CYP3A4: variants seen among roughly 807,000 people sequenced by gnomAD.
CYP3A4 encodes the protein cytochrome P450 3A4.
In CYP3A4, 41 loss-of-function variants were observed where a neutral mutation model predicts 54.9. That is an observed-to-expected ratio of 0.75 (90% CI 0.58 to 0.97). CYP3A4 has a LOEUF of 0.97. CYP3A4 is among the 50% of genes least tolerant of loss of function. The pLI, the probability that CYP3A4 is intolerant of heterozygous loss-of-function variation, is 0.00. For synonymous variants in CYP3A4, 179 were observed against 205.2 expected (o/e 0.87, Z 1.09); for missense variants, 510 against 597.3 (o/e 0.85, Z 1.52).
intron 9 of CYP3A4, among the ~76,000 whole-genome samples, chr7:99,765,375 A>G (rs1353251046): frequency 6.6e-6 from 1 of 152,178 alleles, no homozygotes; most frequent in East Asian, 1.9e-4. Flanking sequence ...ACAGCAAGTT[A>G]TATTGGGATA....
At chr7:99,766,821 A>G in intron 8 of CYP3A4, 1 of 358,592 alleles carries the variant, frequency 2.8e-6, no homozygotes, top group Non-Finnish European at 5.0e-6. Context: ...AGTAATGTTT[A>G]TCCTCTGACA....
intron 3 of CYP3A4, among the ~76,000 whole-genome samples, chr7:99,777,476 TTGTGTG>T (rs10554527): frequency 0.03 from 4,374 of 146,670 alleles, 151 homozygotes; most frequent in African/African-American, 0.087. Context: ...ATGTCACTAG[TTGTGTG>T]TGTGTGTGTG....
At chr7:99,782,962 C>T (rs1365561906) in intron 1 of CYP3A4, among the ~76,000 whole-genome samples, 1 of 152,018 alleles carries the variant, frequency 6.6e-6, no homozygotes, top group Non-Finnish European at 1.5e-5. Context: ...GAACTAACAG[C>T]CCTCATTTGT....
rs542714708 is a variant in CYP3A4, at chr7:99,761,059, A to G, written c.1254-78T>C. 4 of 1,507,764 alleles carry G rather than the reference A, an allele frequency of 2.7e-6. No individual in the cohort carries two copies. In the East Asian group the frequency reaches 9.1e-5, roughly 34 times the overall value. 93.4% of individuals were successfully genotyped at this position (1,507,764 alleles called of 1,614,324 possible). A position where few individuals can be genotyped will look rare whatever the true frequency, so the allele number is the denominator to read the frequency against. ...AGTTACATGTTAGGGTTTCTTACTT[A>G]GGGGCCACCCCTCAACTAGTAGTAC... On this transcript the variant is annotated intron_variant, in intron 11 of 12. Coordinates refer to ENST00000651514, the MANE Select transcript of CYP3A4 (RefSeq NM_017460.6).
At chr7:99,759,631 G>A (rs1320649235) in intron 12 of CYP3A4, among the ~76,000 whole-genome samples, 1 of 152,102 alleles carries the variant, frequency 6.6e-6, no homozygotes, top group Non-Finnish European at 1.5e-5. Context: ...ATGGAGGGGG[G>A]AAGACATTTT....
intron 1 of CYP3A4, among the ~76,000 whole-genome samples, chr7:99,782,061 C>G (rs543523580): frequency 6.6e-6 from 1 of 152,336 alleles, no homozygotes; most frequent in African/African-American, 2.4e-5. Context: ...AGCGTGTGCA[C>G]CATCTACCAA....
intron 3 of CYP3A4, among the ~76,000 whole-genome samples, chr7:99,777,608 C>T (rs1380816270): frequency 3.3e-5 from 5 of 151,654 alleles, no homozygotes; most frequent in South Asian, 4.2e-4. Flanking sequence ...CAAAAGACTC[C>T]GCAAAACTAC....
At chr7:99,766,269 G>C (rs1377776993) in intron 9 of CYP3A4, 108 bp downstream of exon 9, 1 of 1,328,510 alleles carries the variant, frequency 7.5e-7, no homozygotes, top group Non-Finnish European at 1.1e-6. Flanking sequence ...GTGTCGTTCT[G>C]CTATGTGGCA....
intron 4 of CYP3A4, among the ~76,000 whole-genome samples, chr7:99,771,578 C>T (rs1385690974): frequency 6.6e-6 from 1 of 152,118 alleles, no homozygotes. Flanking sequence ...GTCAAAATAA[C>T]AGCACGTTTA....
At chr7:99,776,727 G>A (rs1265563945) in intron 3 of CYP3A4, among the ~76,000 whole-genome samples, 1 of 152,136 alleles carries the variant, frequency 6.6e-6, no homozygotes, top group Non-Finnish European at 1.5e-5. Flanking sequence ...AGCATTAGGA[G>A]AAATACCTAA....
chr7:99,761,355 A>G (rs1815323689), intron 11 of CYP3A4, among the ~76,000 whole-genome samples: 1 of 152,218 alleles, frequency 6.6e-6, no homozygotes, highest in African/African-American at 2.4e-5. Context: ...TACATTGGTC[A>G]TGAGGAAGGA....
chr7:99,779,482 A>T (rs750324525), intron 2 of CYP3A4, among the ~76,000 whole-genome samples: 2 of 152,218 alleles, frequency 1.3e-5, no homozygotes, highest in Non-Finnish European at 2.9e-5. Flanking sequence ...GGATTGAAGC[A>T]GGTGCAAATG....
intron 1 of CYP3A4, 31 bp from the exon 2 acceptor site, chr7:99,780,116 C>A: frequency 6.3e-7 from 1 of 1,588,776 alleles, no homozygotes; most frequent in Non-Finnish European, 8.6e-7. Context: ...CAAGTCACAG[C>A]GATTGTGACT....
intron 3 of CYP3A4, among the ~76,000 whole-genome samples, chr7:99,777,769 C>T (rs1815808385): frequency 6.6e-6 from 1 of 152,160 alleles, no homozygotes; most frequent in Non-Finnish European, 1.5e-5. Context: ...AAGAAATCCT[C>T]CTCATATTTT....
At chr7:99,763,093 G>T (rs982452776) in intron 10 of CYP3A4, among the ~76,000 whole-genome samples, 9 of 152,202 alleles carry the variant, frequency 5.9e-5, no homozygotes, top group African/African-American at 1.9e-4. Flanking sequence ...GTTACTGCCT[G>T]ACTGGAACAT....
intron 1 of CYP3A4, among the ~76,000 whole-genome samples, chr7:99,780,290 A>G (rs1701165919): frequency 6.6e-6 from 1 of 152,210 alleles, no homozygotes. Context: ...AAAAGTTACA[A>G]TGATTAGCTC....
chr7:99,763,620 G>A lies in CYP3A4; in HGVS notation c.1026+235C>T, dbSNP rs1002033850. On this transcript the variant is annotated intron_variant, in intron 10 of 12. Transcript: ENST00000651514. ...TGGAGGTTTTTTACTTAGCATTATTGTAGTAATAGAAAGCAGATGAACCAG... is the reference window on the plus strand; with the variant it reads ...TGGAGGTTTTTTACTTAGCATTATTATAGTAATAGAAAGCAGATGAACCAG... Among the ~76,000 whole-genome samples the A allele has an allele frequency of 3.9e-5, 6 of 152,178 alleles. No individual in the cohort carries two copies. In the East Asian group the frequency reaches 1.2e-3, roughly 29 times the overall value.
At chr7:99,761,764 A>G (rs1815339576) in intron 11 of CYP3A4, among the ~76,000 whole-genome samples, 1 of 152,198 alleles carries the variant, frequency 6.6e-6, no homozygotes, top group Non-Finnish European at 1.5e-5. Flanking sequence ...GTGTTTTTAA[A>G]AGAGTCCTTA....
chr7:99,773,017 A>G (rs1169969742), intron 3 of CYP3A4, among the ~76,000 whole-genome samples: 1 of 152,158 alleles, frequency 6.6e-6, no homozygotes, highest in Non-Finnish European at 1.5e-5. Context: ...TTCCCATGCC[A>G]TTCTCCATAA....
Sources: allele counts gnomAD v4.1 joint callset (sites outside exome capture counted in the v4.1 genomes callset), GRCh38; gene constraint gnomAD v4.1.1; transcripts MANE v1.5; gene names NCBI Gene and HGNC (gene_info 2026-07-23, HGNC 2026-07-21).